Variants in PEX5L observed in about 807,000 individuals in gnomAD.
PEX5L encodes the protein peroxisomal biogenesis factor 5 like.
Under a neutral mutation model 84.0 loss-of-function variants are expected in PEX5L, and 30 were observed. That is an observed-to-expected ratio of 0.36 (90% CI 0.27 to 0.48). The LOEUF (loss-of-function observed/expected upper bound fraction) is 0.48. Among genes scored for constraint, PEX5L ranks in the 20% least tolerant of loss-of-function variants. PEX5L has a pLI of 0.99. For missense variants in PEX5L, 533 were observed against 754.6 expected (o/e 0.71, Z 3.44); for synonymous variants, 270 against 283.1 (o/e 0.95, Z 0.46).
chr3:179,929,891 G>A (rs1025961462), intron 2 of PEX5L, among the ~76,000 whole-genome samples: 5 of 152,142 alleles, frequency 3.3e-5, no homozygotes, highest in Admixed American at 2.6e-4. Flanking sequence ...TTATCAGACC[G>A]GGACATAGCT....
chr3:179,861,362 C>T (rs1428763814), intron 7 of PEX5L, among the ~76,000 whole-genome samples: 1 of 152,150 alleles, frequency 6.6e-6, no homozygotes, highest in African/African-American at 2.4e-5. Context: ...TGTTTTTTGT[C>T]CTGGATCTGG....
chr3:179,797,536 A>T lies in PEX5L; in HGVS notation c.*4292T>A, dbSNP rs1413785153. On this transcript the variant is annotated 3_prime_UTR_variant, in exon 15 of 15. Transcript: ENST00000467460. ...ACCTGAGGTTATACGTTTTGCTTTT[A>T]AAAAATTGCTTTTTTACAAACTTTA... 1.3e-5 allele frequency: 2 copies of T among 149,982 alleles called. No individual in the cohort carries two copies. The highest frequency in any genetic ancestry group is 3.0e-5 in the Non-Finnish European group (2 of 67,666). The allele number at this position is 149,982 out of a possible 1,614,324, so 9.3% of individuals were successfully genotyped here.
intron 7 of PEX5L, among the ~76,000 whole-genome samples, chr3:179,864,472 C>T (rs868025329): frequency 2.0e-4 from 31 of 151,948 alleles, no homozygotes; most frequent in Admixed American, 5.9e-4. Context: ...CATGTGGAAT[C>T]GAAAAAACTT....
At chr3:179,944,007 C>A (rs185375368) in intron 2 of PEX5L, among the ~76,000 whole-genome samples, 265 of 151,670 alleles carry the variant, frequency 1.7e-3, no homozygotes, top group African/African-American at 2.3e-3. Flanking sequence ...CCCTCCCCCC[C>A]CCAAAAAACT....
chr3:179,907,161 A>T (rs1763505621), intron 2 of PEX5L, among the ~76,000 whole-genome samples: 1 of 152,066 alleles, frequency 6.6e-6, no homozygotes, highest in Admixed American at 6.6e-5. Flanking sequence ...CAGGGATTAG[A>T]TGTATTTCCC....
At chr3:179,812,102 C>G (rs141906991) in intron 10 of PEX5L, among the ~76,000 whole-genome samples, 8 of 152,296 alleles carry the variant, frequency 5.3e-5, no homozygotes, top group African/African-American at 1.9e-4. Flanking sequence ...TTATCCTTTC[C>G]TATAACCCAG....
chr3:179,986,421 G>C (rs1284611736), intron 1 of PEX5L, among the ~76,000 whole-genome samples: 1 of 57,624 alleles, frequency 1.7e-5, no homozygotes, highest in Non-Finnish European at 3.6e-5. Context: ...TTTTTTTTTT[G>C]AGAGGGAGTC....
intron 7 of PEX5L, among the ~76,000 whole-genome samples, chr3:179,864,245 A>C (rs546284188): frequency 2.6e-5 from 4 of 152,316 alleles, no homozygotes; most frequent in African/African-American, 9.6e-5. Flanking sequence ...TCCTGTGTTC[A>C]TTGCAGCATT....
chr3:180,008,758 T>A (rs1561056727), intron 1 of PEX5L, among the ~76,000 whole-genome samples: 1 of 152,138 alleles, frequency 6.6e-6, no homozygotes, highest in African/African-American at 2.4e-5. Context: ...TTCACTATCA[T>A]GAGACTAGCA....
chr3:179,830,208 T>C (rs1414136832), intron 8 of PEX5L, among the ~76,000 whole-genome samples: 1 of 152,102 alleles, frequency 6.6e-6, no homozygotes, highest in Admixed American at 6.5e-5. Context: ...TGTTTCATTT[T>C]GGCAGAGAAA....
At chr3:179,802,299 C>G (rs1719161559) in intron 14 of PEX5L, among the ~76,000 whole-genome samples, 1 of 151,946 alleles carries the variant, frequency 6.6e-6, no homozygotes, top group African/African-American at 2.4e-5. Context: ...CTTTGGGAGG[C>G]CAAGGCAGGT....
chr3:179,888,278 C>T, intron 3 of PEX5L: 1 of 565,470 alleles, frequency 1.8e-6, no homozygotes, highest in Non-Finnish European at 2.9e-6. Context: ...TCTTAAAAAG[C>T]TCAGGTCACC....
chr3:179,879,233 C>T (rs1753415245), intron 5 of PEX5L, among the ~76,000 whole-genome samples: 1 of 152,154 alleles, frequency 6.6e-6, no homozygotes, highest in South Asian at 2.1e-4. Context: ...CTTAATGTGT[C>T]TGATTCCAGG....
chr3:179,958,616 T>A (rs1781209872), intron 2 of PEX5L, among the ~76,000 whole-genome samples: 1 of 152,162 alleles, frequency 6.6e-6, no homozygotes, highest in Non-Finnish European at 1.5e-5. Flanking sequence ...TTGGTCTCCC[T>A]CATTTATGCT....
intron 8 of PEX5L, among the ~76,000 whole-genome samples, chr3:179,843,820 A>G (rs528273699): frequency 1.3e-5 from 2 of 152,232 alleles, no homozygotes; most frequent in African/African-American, 2.4e-5. Flanking sequence ...ACTGGGCCAC[A>G]TATCTATCTA....
At chr3:179,997,569 G>A (rs1439987846) in intron 1 of PEX5L, among the ~76,000 whole-genome samples, 1 of 152,216 alleles carries the variant, frequency 6.6e-6, no homozygotes, top group East Asian at 1.9e-4. Context: ...GGGTTGCAGA[G>A]ATTAGTGCCA....
intron 8 of PEX5L, among the ~76,000 whole-genome samples, chr3:179,845,170 A>G (rs1738837607): frequency 6.6e-6 from 1 of 152,296 alleles, no homozygotes; most frequent in East Asian, 1.9e-4. Context: ...TGTGGGAAAC[A>G]ATTTGTGTCT....
chr3:179,821,198 C>T (rs1251029231), intron 8 of PEX5L, among the ~76,000 whole-genome samples: 1 of 152,152 alleles, frequency 6.6e-6, no homozygotes, highest in African/African-American at 2.4e-5. Flanking sequence ...AAGTTCTCTA[C>T]CAGCCTGCTA....
intron 2 of PEX5L, among the ~76,000 whole-genome samples, chr3:179,953,256 T>A (rs917787406): frequency 7.2e-5 from 11 of 152,058 alleles, no homozygotes; most frequent in Non-Finnish European, 1.5e-4. Flanking sequence ...ACAAATGGGA[T>A]CTAATTAAAC....
Sources: allele counts gnomAD v4.1 joint callset (sites outside exome capture counted in the v4.1 genomes callset), GRCh38; gene constraint gnomAD v4.1.1; transcripts MANE v1.5; gene names NCBI Gene and HGNC (gene_info 2026-07-23, HGNC 2026-07-21).